PRMT3: variants seen among roughly 807,000 people sequenced by gnomAD.
PRMT3 encodes the protein protein arginine methyltransferase 3.
PRMT3 carries 62 observed loss-of-function variants against 71.9 expected under a neutral mutation model. That is an observed-to-expected ratio of 0.86 (90% CI 0.70 to 1.07). PRMT3 has a LOEUF of 1.07. Ranked by LOEUF, PRMT3 falls within the 50% of genes least tolerant of loss-of-function variation. PRMT3 has a pLI of 0.00. For synonymous variants in PRMT3, 213 were observed against 220.4 expected (o/e 0.97, Z 0.30); for missense variants, 663 against 643.0 (o/e 1.03, Z -0.34).
At chr11:20,394,742 TCTC>T (rs1189830700) in intron 5 of PRMT3, among the ~76,000 whole-genome samples, 6 of 152,294 alleles carry the variant, frequency 3.9e-5, no homozygotes, top group African/African-American at 4.8e-5. Flanking sequence ...TTGACCAACA[TCTC>T]CTCATTTCCA....
chr11:20,409,314 G>A (rs373305412), intron 9 of PRMT3, among the ~76,000 whole-genome samples: 1 of 152,068 alleles, frequency 6.6e-6, no homozygotes, highest in African/African-American at 2.4e-5. Context: ...TACATCTAAC[G>A]TGTTAGAAAT....
chr11:20,455,923 A>C (rs960109028), intron 11 of PRMT3, among the ~76,000 whole-genome samples: 40 of 152,174 alleles, frequency 2.6e-4, no homozygotes, highest in African/African-American at 9.6e-4. Flanking sequence ...ATTAAATGCA[A>C]GATAAGTCAA....
intron 5 of PRMT3, among the ~76,000 whole-genome samples, chr11:20,393,445 G>T (rs1848760385): frequency 6.6e-6 from 1 of 152,102 alleles, no homozygotes; most frequent in African/African-American, 2.4e-5. Flanking sequence ...GTCTGGTTTT[G>T]CCTTTAATTG....
intron 9 of PRMT3, among the ~76,000 whole-genome samples, chr11:20,409,845 A>T (rs1849157113): frequency 1.3e-5 from 2 of 152,258 alleles, no homozygotes; most frequent in South Asian, 4.1e-4. Context: ...TGCCATCCAA[A>T]CAAATATGAG....
chr11:20,397,611 G>A lies in PRMT3; in HGVS notation c.595G>A (p.Val199Ile). 1 of 1,614,124 alleles carries A rather than the reference G, an allele frequency of 6.2e-7. No homozygotes were observed. Among genetic ancestry groups the A allele is most frequent in the Non-Finnish European group, 8.5e-7 (1 of 1,180,024 alleles). The change falls in exon 7 of 16, where the codon GTC becomes ATC. Residue 199 changes from valine to isoleucine, a missense_variant. Transcript: ENST00000331079. ...FAQDFVMHTDVRTCSSSTSVI... is the reference protein window; with the variant it reads ...FAQDFVMHTDIRTCSSSTSVI... Reference sequence around the variant, plus strand: ...TCAGGATTTTGTGATGCACACAGATGTCAGAACCTGCTCGTCATCTACTAG... The same window carrying A: ...TCAGGATTTTGTGATGCACACAGATATCAGAACCTGCTCGTCATCTACTAG...
intron 2 of PRMT3, among the ~76,000 whole-genome samples, chr11:20,388,590 A>G (rs975771549): frequency 2.0e-5 from 3 of 152,220 alleles, no homozygotes; most frequent in African/African-American, 4.8e-5. Flanking sequence ...GATAATCCCT[A>G]CGGAGCCTTC....
At chr11:20,403,118 C>T in intron 8 of PRMT3, 134 bp downstream of exon 8, 1 of 679,134 alleles carries the variant, frequency 1.5e-6, no homozygotes, top group East Asian at 2.7e-5. Context: ...ATTTATGATG[C>T]TGCTCTGTGG....
chr11:20,488,193 G>GA lies in PRMT3; in HGVS notation c.1348-5720dup, dbSNP rs547392502. On this transcript the variant is annotated intron_variant, in intron 13 of 15. Coordinates refer to ENST00000331079, the MANE Select transcript of PRMT3 (RefSeq NM_005788.4). The stretch of plus-strand genomic sequence containing the variant: ...AATTTAATGTATAGTTACAATTGGG[G>GA]AAAAAATCATAATATATAATTTTCA... 1.1e-3 allele frequency among the ~76,000 whole-genome samples: 160 copies of GA among 152,160 alleles called. 2 individuals carry two copies. In the South Asian group the frequency reaches 0.011, roughly 11 times the overall value.
At chr11:20,390,045 G>A (rs1848679669) in intron 3 of PRMT3, among the ~76,000 whole-genome samples, 1 of 151,834 alleles carries the variant, frequency 6.6e-6, no homozygotes, top group Admixed American at 6.6e-5. Context: ...CAGCTGCTCA[G>A]AAGACTGAGG....
intron 10 of PRMT3, among the ~76,000 whole-genome samples, chr11:20,447,384 T>C (rs1850054589): frequency 6.6e-6 from 1 of 152,024 alleles, no homozygotes; most frequent in Non-Finnish European, 1.5e-5. Flanking sequence ...AGCCCAGGAA[T>C]GCTGCTAAAC....
In PRMT3 at chr11:20,493,435, ATC is replaced by A. The variant is rs1851257316; in HGVS notation, c.1348-482_1348-481del. Among the ~76,000 whole-genome samples the A allele has an allele frequency of 2.6e-5, 4 of 152,310 alleles. No homozygotes were observed. The South Asian group carries it at 8.3e-4, about 32-fold the overall frequency. On this transcript the variant is annotated intron_variant, in intron 13 of 15. Coordinates refer to ENST00000331079, the MANE Select transcript of PRMT3 (RefSeq NM_005788.4). ...CTGGCTTGAAGCCCAAACCATTTTT[ATC>A]TGTTTGTTTCCGATTCTGCAATCCT... is the stretch of plus-strand genomic sequence containing the variant.
rs1434992665 is a variant in PRMT3 at position 20,449,412 on chromosome 11, A to C, written c.994-2718A>C. Among the ~76,000 whole-genome samples the C allele has an allele frequency of 5.3e-5, 8 of 152,282 alleles. No individual in the cohort carries two copies. The East Asian group carries it at 1.4e-3, about 26-fold the overall frequency. ...ATCCTTAACAAATGTAGTATAATAC[A>C]CATACTAAATCTTATTTTCAATTAG... is the stretch of plus-strand genomic sequence containing the variant. On this transcript the variant is annotated intron_variant, in intron 10 of 15. Coordinates refer to ENST00000331079, the MANE Select transcript of PRMT3 (RefSeq NM_005788.4).
At chr11:20,453,027 T>A (rs1850184573) in intron 11 of PRMT3, among the ~76,000 whole-genome samples, 1 of 152,178 alleles carries the variant, frequency 6.6e-6, no homozygotes, top group Non-Finnish European at 1.5e-5. Context: ...TTCTCAAAGC[T>A]TCAGAATCAG....
At chr11:20,410,499 A>T (rs201200949) in intron 9 of PRMT3, among the ~76,000 whole-genome samples, 1 of 24,712 alleles carries the variant, frequency 4.0e-5, no homozygotes, top group East Asian at 4.1e-4. Flanking sequence ...TTCAAAATAA[A>T]TAGGTAGTTG....
chr11:20,407,663 G>T, intron 8 of PRMT3: 1 of 286,330 alleles, frequency 3.5e-6, no homozygotes. Context: ...TCTCTCTTCT[G>T]GAGTCAATAC....
At chr11:20,392,299 C>T (rs1848731891) in intron 4 of PRMT3, 39 bp downstream of exon 4, 1 of 1,523,528 alleles carries the variant, frequency 6.6e-7, no homozygotes, top group African/African-American at 1.4e-5. Flanking sequence ...GTTTAGAAAT[C>T]AAAGAAATGC....
Position 20,387,874 on chromosome 11 carries a change from G to A in PRMT3, c.28+100G>A, listed in dbSNP as rs542034153. 1.0e-3 allele frequency: 1,552 copies of A among 1,534,030 alleles called. 2 individuals carry two copies. Among genetic ancestry groups the A allele is most frequent in the Middle Eastern group, 3.3e-3 (19 of 5,742 alleles). ...TCCGGGACACGGGCCCGGGCAGGGT[G>A]GGGGGCTCGCAGGGATCATGAAGGA... On this transcript the variant is annotated intron_variant, in intron 1 of 15. Transcript: ENST00000331079. The surrounding 1 kb of genome is among the most constrained non-coding windows in gnomAD (Gnocchi z 4.3).
rs199697949 is a variant in PRMT3 at position 20,464,413 on chromosome 11, T to C, written c.1261-47T>C. 2.6e-6 allele frequency: 4 copies of C among 1,529,130 alleles called. No individual in the cohort carries two copies. The African/African-American group carries it at 5.7e-5, about 22-fold the overall frequency. The allele number at this position is 1,529,130 out of a possible 1,614,324, so 94.7% of individuals were successfully genotyped here. A position where few individuals can be genotyped will look rare whatever the true frequency, so the allele number is the denominator to read the frequency against. ...TGTTTTATTTTTTGTTTTTTTTTTT[T>C]GGACTATTTTTACTAAGCTCTTTCT... is the stretch of plus-strand genomic sequence containing the variant. On this transcript the variant is annotated intron_variant, in intron 12 of 15. Coordinates refer to ENST00000331079, the MANE Select transcript of PRMT3 (RefSeq NM_005788.4).
At chr11:20,499,863 C>T (rs1851417303) in intron 15 of PRMT3, among the ~76,000 whole-genome samples, 3 of 152,284 alleles carry the variant, frequency 2.0e-5, no homozygotes, top group Admixed American at 2.0e-4. Context: ...ATTCCGGTCC[C>T]AGGTAATGTG....
Sources: allele counts gnomAD v4.1 joint callset (sites outside exome capture counted in the v4.1 genomes callset), GRCh38; gene constraint gnomAD v4.1.1; non-coding constraint Gnocchi (gnomAD v3.1); transcripts MANE v1.5; gene names NCBI Gene and HGNC (gene_info 2026-07-23, HGNC 2026-07-21).